PPFIA4: variants seen among roughly 807,000 people sequenced by gnomAD.
PPFIA4 encodes the protein liprin-alpha-4.
PPFIA4 carries 98 observed loss-of-function variants against 145.7 expected under a neutral mutation model. The ratio of observed to expected loss-of-function variants is 0.67; its 90% CI spans 0.57 to 0.80. The LOEUF (loss-of-function observed/expected upper bound fraction) is 0.80. Among genes scored for constraint, PPFIA4 ranks in the 30% least tolerant of loss-of-function variants. PPFIA4 has a pLI of 0.00. For missense variants in PPFIA4, 1,457 were observed against 1,632.7 expected, an observed-to-expected ratio of 0.89 and a Z score of 1.85; for synonymous variants, 628 against 649.6, an observed-to-expected ratio of 0.97 and a Z score of 0.51.
At position 203,048,502 on chromosome 1, in the gene PPFIA4, CAG is replaced by C; in HGVS notation, c.1225-80_1225-79del. 6 of 1,540,414 alleles carry C rather than the reference CAG, an allele frequency of 3.9e-6. No homozygotes were observed. Among genetic ancestry groups the C allele is most frequent in the Non-Finnish European group, 4.4e-6 (5 of 1,139,542 alleles). On this transcript the variant is annotated intron_variant, in intron 10 of 29. Coordinates refer to ENST00000295706, the MANE Select transcript of PPFIA4 (RefSeq NM_001304331.2). The surrounding 1 kb of genome is among the most constrained non-coding windows in gnomAD (Gnocchi z 5.8). ...TGGCTCCCAGAGGATGAGAAGAGGA[CAG>C]GGGAGGGAGTCAAACCCCAGCAGGA... is the stretch of plus-strand genomic sequence containing the variant.
chr1:203,044,312 C>T, intron 4 of PPFIA4, 67 bp from the exon 5 acceptor site: 1 of 1,445,222 alleles, frequency 6.9e-7, no homozygotes, highest in Non-Finnish European at 9.5e-7. Flanking sequence ...AGACCAAGCC[C>T]AGTCTCTTCC....
At chr1:203,040,513 T>G (rs1169586325) in intron 2 of PPFIA4, among the ~76,000 whole-genome samples, 1 of 152,130 alleles carries the variant, frequency 6.6e-6, no homozygotes, top group Non-Finnish European at 1.5e-5. Context: ...ACCTCCTCTT[T>G]CACTGTGCAC....
At position 203,075,927 on chromosome 1, in the gene PPFIA4, G is replaced by A. The variant is rs548020457; in HGVS notation, c.3574+170G>A. ...GGGGAGCGTGTGTGCGCACTAACCC[G>A]CCGCTCTGTGTGTTCTCCCGCGGCT... On this transcript the variant is annotated intron_variant, in intron 29 of 29. Coordinates refer to ENST00000295706, the MANE Select transcript of PPFIA4 (RefSeq NM_001304331.2). This position sits in a 1 kb window ranked among gnomAD's most constrained non-coding sequence, Gnocchi z 4.1. The A allele has an allele frequency of 3.9e-5, 26 of 668,278 alleles. No individual in the cohort carries two copies. In the South Asian group the frequency reaches 8.2e-4, roughly 21 times the overall value. The allele number at this position is 668,278 out of a possible 1,614,324, so 41.4% of individuals were successfully genotyped here. A position where few individuals can be genotyped will look rare whatever the true frequency, so the allele number is the denominator to read the frequency against.
intron 28 of PPFIA4, among the ~76,000 whole-genome samples, chr1:203,074,890 TGGA>T (rs1276722109): frequency 2.0e-5 from 3 of 152,076 alleles, no homozygotes; most frequent in Non-Finnish European, 4.4e-5. Context: ...CCATGTCCTT[TGGA>T]GGAGACTGCA....
Position 203,061,021 on chromosome 1 carries a change from TCTA to T in PPFIA4, c.2840_2842del (p.Thr947del), listed in dbSNP as rs2102673413. 6.2e-7 allele frequency: 1 copy of T among 1,613,984 alleles called. No individual in the cohort carries two copies. Among genetic ancestry groups the T allele is most frequent in the Admixed American group, 1.7e-5 (1 of 60,024 alleles). On this transcript the variant is annotated inframe_deletion, in exon 23 of 30. Transcript: ENST00000295706. Reference sequence around the variant, plus strand: ...TGAAGAGATGGAAACTCTGGAAACATCTACTAAAACAGTGAGTCTGGCCCTTGG... The same window carrying T: ...TGAAGAGATGGAAACTCTGGAAACATCTAAAACAGTGAGTCTGGCCCTTGG...
intron 15 of PPFIA4, among the ~76,000 whole-genome samples, chr1:203,054,984 T>G (rs565270750): frequency 1.3e-5 from 2 of 152,214 alleles, no homozygotes; most frequent in South Asian, 4.2e-4. Flanking sequence ...GGCACACACG[T>G]GTACCATTTT....
At position 203,075,106 on chromosome 1, in the gene PPFIA4, T is replaced by C. The variant is rs1320019226; in HGVS notation, c.3394-471T>C. Among the ~76,000 whole-genome samples the C allele has an allele frequency of 6.6e-6, 1 of 152,082 alleles. No individual in the cohort carries two copies. The highest frequency in any genetic ancestry group is 2.4e-5 in the African/African-American group (1 of 41,384). On this transcript the variant is annotated intron_variant, in intron 28 of 29. Transcript: ENST00000295706. The surrounding 1 kb of genome is among the most constrained non-coding windows in gnomAD (Gnocchi z 4.1). The stretch of plus-strand genomic sequence containing the variant: ...GGCAGAGCCAGGATTAGAAGCCAGG[T>C]GTCTGACTCCCGCCCGACATAGTAC...
Position 203,048,920 on chromosome 1 carries a change from C to T in PPFIA4, c.1359C>T (p.Asn453=), listed in dbSNP as rs562097815. 2.1e-5 allele frequency: 33 copies of T among 1,548,374 alleles called. No homozygotes were observed. The highest frequency in any genetic ancestry group is 2.7e-5 in the Non-Finnish European group (31 of 1,146,820). ...GGCTCACAGCTGCTCTCCCCCAGAA[C>T]ACGTTGATCCAGGAGTTGGAGAGCT... ...KERMAALEEK[N]TLIQELESSQ... is the part of the protein sequence containing the mutation. The change falls in exon 12 of 30, where the codon AAC becomes AAT. Residue 453 remains asparagine (N), a splice_region_variant and synonymous_variant. Coordinates refer to ENST00000295706, the MANE Select transcript of PPFIA4 (RefSeq NM_001304331.2). This position sits in a 1 kb window ranked among gnomAD's most constrained non-coding sequence, Gnocchi z 5.8.
chr1:203,046,034 G>C, intron 8 of PPFIA4, 47 bp downstream of exon 8: 1 of 1,610,154 alleles, frequency 6.2e-7, no homozygotes, highest in Non-Finnish European at 8.5e-7. Flanking sequence ...CTTAGCCCTG[G>C]AGGTGTCCTC....
At chr1:203,029,639 G>C (rs1658676390) in intron 1 of PPFIA4, among the ~76,000 whole-genome samples, 1 of 152,212 alleles carries the variant, frequency 6.6e-6, no homozygotes, top group Non-Finnish European at 1.5e-5. Context: ...GATCCCCTGA[G>C]TTCCATGAAG....
chr1:203,042,211 A>T (rs1659741257), intron 2 of PPFIA4, among the ~76,000 whole-genome samples: 2 of 152,086 alleles, frequency 1.3e-5, no homozygotes, highest in Non-Finnish European at 2.9e-5. Context: ...CCCTGGAAGG[A>T]GGTGATGTTT....
At position 203,046,335 on chromosome 1, in the gene PPFIA4, C is replaced by G; in HGVS notation, c.1093C>G (p.Pro365Ala). 1 of 1,593,662 alleles carries G rather than the reference C, an allele frequency of 6.3e-7. No homozygotes were observed. The highest frequency in any genetic ancestry group is 8.5e-7 in the Non-Finnish European group (1 of 1,170,968). Residue 365 changes from proline (P) to alanine (A), a missense_variant, in exon 9 of 30, where the codon CCA becomes GCA. By Grantham distance (27) the Pro-to-Ala change is conservative. Around this residue, in one of 3 missense-constraint regions of PPFIA4, gnomAD observed 848 missense variants for 1,046.7 expected, o/e 0.81. Transcript: ENST00000295706. ...QQTMRKAETL[P>A]EVEAELAQRI... ...GACGATGCGCAAGGCAGAGACGCTGCCAGAGGTGGAGGCTGAGCTGGCCCA... is the reference window on the plus strand; with the variant it reads ...GACGATGCGCAAGGCAGAGACGCTGGCAGAGGTGGAGGCTGAGCTGGCCCA...
intron 25 of PPFIA4, 67 bp downstream of exon 25, chr1:203,064,070 T>C: frequency 6.5e-7 from 1 of 1,534,232 alleles, no homozygotes; most frequent in East Asian, 2.3e-5. Flanking sequence ...AGGGTCTGCC[T>C]CCAGGAACAG....
At chr1:203,058,019 G>C (rs1470859362) in intron 19 of PPFIA4, among the ~76,000 whole-genome samples, 1 of 152,196 alleles carries the variant, frequency 6.6e-6, no homozygotes, top group Non-Finnish European at 1.5e-5. Flanking sequence ...GCTGGGGCCA[G>C]CTGTGAGGGC....
rs1156620656 is a variant in PPFIA4 at position 203,068,333 on chromosome 1, G to A, written c.3149-120G>A. The A allele has an allele frequency of 4.8e-6, 4 of 836,332 alleles. No homozygotes were observed. Among genetic ancestry groups the A allele is most frequent in the Middle Eastern group, 3.6e-4 (1 of 2,786 alleles). The allele number at this position is 836,332 out of a possible 1,614,324, so 51.8% of individuals were successfully genotyped here. A position where few individuals can be genotyped will look rare whatever the true frequency, so the allele number is the denominator to read the frequency against. On this transcript the variant is annotated intron_variant, in intron 26 of 29. Coordinates refer to ENST00000295706, the MANE Select transcript of PPFIA4 (RefSeq NM_001304331.2). The surrounding 1 kb of genome is among the most constrained non-coding windows in gnomAD (Gnocchi z 4.7). ...AGATATGGAAATTTAGGGATGGAGT[G>A]GGGGTCAGAGAGCAGGGTGGACTGC...
At chr1:203,051,982 C>A in intron 14 of PPFIA4, 105 bp downstream of exon 14, 2 of 1,271,914 alleles carry the variant, frequency 1.6e-6, no homozygotes, top group Non-Finnish European at 2.2e-6. Context: ...CCTTCCCCTT[C>A]CCTCCCGTGT....
chr1:203,076,488 C>T lies in PPFIA4; in HGVS notation c.*98C>T. 4 of 1,253,036 alleles carry T rather than the reference C, an allele frequency of 3.2e-6. No individual in the cohort carries two copies. The highest frequency in any genetic ancestry group is 4.6e-6 in the Non-Finnish European group (4 of 869,066). The allele number at this position is 1,253,036 out of a possible 1,614,324, so 77.6% of individuals were successfully genotyped here. On this transcript the variant is annotated 3_prime_UTR_variant, in exon 30 of 30. Transcript: ENST00000295706. Reference sequence around the variant, plus strand: ...TCCCCTTCCTTCCGCAGCTCCTAGTCTCGTCCGTGACTTTCCGGTTGCCCT... The same window carrying T: ...TCCCCTTCCTTCCGCAGCTCCTAGTTTCGTCCGTGACTTTCCGGTTGCCCT...
intron 24 of PPFIA4, among the ~76,000 whole-genome samples, chr1:203,062,687 C>T (rs183783400): frequency 5.3e-5 from 8 of 151,916 alleles, no homozygotes; most frequent in Admixed American, 2.6e-4. Flanking sequence ...GGGGGGGATC[C>T]GAGCCATAGG....
rs1035390828 is a variant in PPFIA4, at chr1:203,052,052, C to CA, written c.1620+175_1620+176insA. ...GTCAGCTGCAACAGCTGTGCCCCCC[C>CA]CCCCGCTTGCCTTGGCCTCCTGGTG... is the stretch of plus-strand genomic sequence containing the variant. On this transcript the variant is annotated intron_variant, in intron 14 of 29. Transcript: ENST00000295706. Among the ~76,000 whole-genome samples the CA allele has an allele frequency of 7.1e-5, 10 of 140,152 alleles. No individual in the cohort carries two copies. The South Asian group carries it at 9.4e-4, about 13-fold the overall frequency. 91.9% of individuals were successfully genotyped at this position (140,152 alleles called of 152,430 possible). A position where few individuals can be genotyped will look rare whatever the true frequency, so the allele number is the denominator to read the frequency against.
Sources: allele counts gnomAD v4.1 joint callset (sites outside exome capture counted in the v4.1 genomes callset), GRCh38; gene constraint gnomAD v4.1.1; regional missense constraint gnomAD v4.1.1; non-coding constraint Gnocchi (gnomAD v3.1); transcripts MANE v1.5; gene names NCBI Gene and HGNC (gene_info 2026-07-23, HGNC 2026-07-21).